Variants in GALNT13 observed in about 807,000 individuals in gnomAD.
GALNT13 encodes polypeptide N-acetylgalactosaminyltransferase 13, also known as UDP-GalNAc:polypeptide N-acetylgalactosaminyltransferase 13.
GALNT13 carries 28 observed loss-of-function variants against 64.2 expected under a neutral mutation model. The observed-to-expected ratio is 0.44, with a 90% CI of 0.32 to 0.60. The LOEUF is 0.60. Among genes scored for constraint, GALNT13 ranks in the 20% least tolerant of loss-of-function variants. The pLI is 0.05. For synonymous variants in GALNT13, 214 were observed against 224.6 expected, an observed-to-expected ratio of 0.95 and a Z score of 0.42; for missense variants, 577 against 669.8, an observed-to-expected ratio of 0.86 and a Z score of 1.53.
At chr2:153,455,663 C>T in the GALNT13 span, among the ~76,000 whole-genome samples, 1 of 152,038 alleles carries the variant, frequency 6.6e-6, no homozygotes, top group East Asian at 1.9e-4. Flanking sequence ...CCCCAGAGGG[C>T]GCGTTATGGT....
chr2:153,710,069 G>T, the GALNT13 span, among the ~76,000 whole-genome samples: 1 of 151,964 alleles, frequency 6.6e-6, no homozygotes, highest in Non-Finnish European at 1.5e-5. Flanking sequence ...CGCACAGCAT[G>T]GTGAATATAT....
chr2:153,888,644 A>G (rs544206261), intron 1 of GALNT13, among the ~76,000 whole-genome samples: 4 of 152,096 alleles, frequency 2.6e-5, no homozygotes, highest in South Asian at 4.1e-4. Flanking sequence ...TTTTGTTACA[A>G]GCTTCAATAA....
intron 3 of GALNT13, among the ~76,000 whole-genome samples, chr2:153,961,718 A>T (rs1165888597): frequency 6.6e-6 from 1 of 152,220 alleles, no homozygotes; most frequent in Non-Finnish European, 1.5e-5. Flanking sequence ...AAGCTTGAAG[A>T]TCAAATTTTC....
chr2:154,205,903 C>G lies in GALNT13; in HGVS notation c.312-36127C>G, dbSNP rs75365675. Among the ~76,000 whole-genome samples the G allele has an allele frequency of 3.3e-3, 504 of 152,174 alleles. 3 individuals carry two copies. The highest frequency in any genetic ancestry group is 0.011 in the African/African-American group (457 of 41,516). On this transcript the variant is annotated intron_variant, in intron 4 of 12. Coordinates refer to ENST00000392825, the MANE Select transcript of GALNT13 (RefSeq NM_052917.4). ...AATTCTCTAGTTTTCTTTGTTTAGA[C>G]TTCAGCTTTATTTAAATGTTTTACT...
At chr2:153,539,776 T>C in the GALNT13 span, among the ~76,000 whole-genome samples, 1 of 151,924 alleles carries the variant, frequency 6.6e-6, no homozygotes, top group Non-Finnish European at 1.5e-5. Context: ...ACCAGTACCA[T>C]GCTGTTTTGG....
intron 4 of GALNT13, among the ~76,000 whole-genome samples, chr2:154,149,443 G>C (rs544122267): frequency 6.6e-6 from 1 of 152,042 alleles, no homozygotes; most frequent in African/African-American, 2.4e-5. Flanking sequence ...ACTTTAAGTA[G>C]TTTTTTCCAA....
the GALNT13 span, among the ~76,000 whole-genome samples, chr2:153,333,522 T>C: frequency 6.6e-6 from 1 of 152,182 alleles, no homozygotes; most frequent in African/African-American, 2.4e-5. Context: ...TTATGCACTA[T>C]CTTGCTATTT....
the GALNT13 span, among the ~76,000 whole-genome samples, chr2:153,190,574 T>G: frequency 2.0e-5 from 3 of 152,098 alleles, no homozygotes; most frequent in Admixed American, 1.3e-4. Context: ...GGTTCTTTTT[T>G]GGTTTCATAC....
intron 3 of GALNT13, among the ~76,000 whole-genome samples, chr2:154,076,723 C>T (rs567352581): frequency 6.6e-6 from 1 of 151,704 alleles, no homozygotes; most frequent in East Asian, 1.9e-4. Flanking sequence ...CCCAATTAAA[C>T]CAAGATGTGA....
chr2:154,029,400 A>C (rs1698198616), intron 3 of GALNT13, among the ~76,000 whole-genome samples: 1 of 152,002 alleles, frequency 6.6e-6, no homozygotes, highest in Non-Finnish European at 1.5e-5. Context: ...TAAAGTTGAG[A>C]GTGGAGCAGA....
At chr2:153,184,541 G>A in the GALNT13 span, among the ~76,000 whole-genome samples, 3 of 151,832 alleles carry the variant, frequency 2.0e-5, no homozygotes, top group African/African-American at 7.2e-5. Context: ...GCATCCTTGT[G>A]CTAGTTTTCA....
the GALNT13 span, among the ~76,000 whole-genome samples, chr2:153,660,584 T>C: frequency 6.7e-6 from 1 of 149,598 alleles, no homozygotes; most frequent in Non-Finnish European, 1.5e-5. Flanking sequence ...ATGGAGGATG[T>C]ATATAAAATA....
chr2:154,243,363 G>C (rs956662393), intron 6 of GALNT13, among the ~76,000 whole-genome samples: 10 of 152,008 alleles, frequency 6.6e-5, no homozygotes, highest in African/African-American at 2.4e-4. Context: ...CCAGTTCTCT[G>C]CCAGTGTTCT....
intron 3 of GALNT13, among the ~76,000 whole-genome samples, chr2:154,037,743 T>G (rs2105320557): frequency 6.6e-6 from 1 of 152,244 alleles, no homozygotes; most frequent in South Asian, 2.1e-4. Flanking sequence ...GTCAAGAAAG[T>G]AATCTTTTTT....
At chr2:154,041,084 A>T (rs1574395036) in intron 3 of GALNT13, among the ~76,000 whole-genome samples, 1 of 140,448 alleles carries the variant, frequency 7.1e-6, no homozygotes, top group East Asian at 2.0e-4. Context: ...ATTATTAGCT[A>T]AACCACACAT....
At chr2:154,262,623 G>T (rs1690760287) in intron 8 of GALNT13, among the ~76,000 whole-genome samples, 1 of 152,118 alleles carries the variant, frequency 6.6e-6, no homozygotes, top group African/African-American at 2.4e-5. Flanking sequence ...ATTATGTTTA[G>T]ACAGTGTTAT....
At chr2:153,405,372 G>C in the GALNT13 span, among the ~76,000 whole-genome samples, 1 of 152,152 alleles carries the variant, frequency 6.6e-6, no homozygotes, top group African/African-American at 2.4e-5. Context: ...GGAAATGCAT[G>C]CACAGGCATG....
At chr2:153,650,332 T>A in the GALNT13 span, among the ~76,000 whole-genome samples, 3 of 152,168 alleles carry the variant, frequency 2.0e-5, no homozygotes, top group African/African-American at 7.2e-5. Flanking sequence ...TCTTCCTCCA[T>A]CCTTTTATTT....
chr2:154,331,355 G>A (rs541015069), intron 9 of GALNT13, among the ~76,000 whole-genome samples: 160 of 152,088 alleles, frequency 1.1e-3, no homozygotes, highest in Non-Finnish European at 1.8e-3. Context: ...GCCTGGTTTG[G>A]AGTGTGGTAG....
Sources: allele counts gnomAD v4.1 joint callset (sites outside exome capture counted in the v4.1 genomes callset), GRCh38; gene constraint gnomAD v4.1.1; transcripts MANE v1.5; gene names NCBI Gene and HGNC (gene_info 2026-07-23, HGNC 2026-07-21).